Variants in ST7 observed in about 807,000 individuals in gnomAD.
ST7 encodes suppressor of tumorigenicity 7 protein.
ST7 carries 28 observed loss-of-function variants against 78.7 expected under a neutral mutation model. That is an observed-to-expected ratio of 0.36 (90% CI 0.26 to 0.49). The LOEUF is 0.49. Among genes scored for constraint, ST7 ranks in the 20% least tolerant of loss-of-function variants. The pLI, the probability that ST7 is intolerant of heterozygous loss-of-function variation, is 0.99. For missense variants in ST7, 418 were observed against 696.0 expected, an observed-to-expected ratio of 0.60 and a Z score of 4.49; for synonymous variants, 247 against 249.6, an observed-to-expected ratio of 0.99 and a Z score of 0.10.
intron 1 of ST7, chr7:116,972,502 T>A: frequency 1.0e-6 from 1 of 993,412 alleles, no homozygotes; most frequent in Non-Finnish European, 1.6e-6. Flanking sequence ...CAAGTCTCTT[T>A]CAATGATCAC....
rs146935001 is a variant in ST7 at position 117,004,619 on chromosome 7, C to T, written c.151+50928C>T. Among the ~76,000 whole-genome samples, 580 of 152,100 alleles carry T rather than the reference C, an allele frequency of 3.8e-3. 6 individuals carry two copies. The highest frequency in any genetic ancestry group is 0.013 in the African/African-American group (557 of 41,462). The stretch of plus-strand genomic sequence containing the variant: ...GAGGTTGCAGTGAGCCTAGATCACA[C>T]CACTGCACTCCAGCCTGGACGACAG... On this transcript the variant is annotated intron_variant, in intron 1 of 15. Transcript: ENST00000323984.
chr7:116,987,258 A>G (rs1269837609), intron 1 of ST7, among the ~76,000 whole-genome samples: 1 of 152,136 alleles, frequency 6.6e-6, no homozygotes, highest in African/African-American at 2.4e-5. Flanking sequence ...TGGGCTGGGT[A>G]TTTTTCATCT....
chr7:116,972,058 CT>C, intron 1 of ST7: 1 of 479,072 alleles, frequency 2.1e-6, no homozygotes, highest in Non-Finnish European at 4.0e-6. Context: ...GGAAAGCAGC[CT>C]TCCAGTTAAA....
intron 1 of ST7, among the ~76,000 whole-genome samples, chr7:117,074,082 T>C (rs1799169002): frequency 6.6e-6 from 1 of 152,224 alleles, no homozygotes; most frequent in South Asian, 2.1e-4. Flanking sequence ...GATATTGTTA[T>C]ATGATTTCCT....
At chr7:117,136,428 G>GTT in intron 8 of ST7, 193 bp downstream of exon 8, 1 of 649,900 alleles carries the variant, frequency 1.5e-6, no homozygotes, top group Non-Finnish European at 2.6e-6. Flanking sequence ...CTTCATTGCT[G>GTT]TTTATATTCA....
chr7:117,085,068 A>G (rs1036609584), intron 1 of ST7, among the ~76,000 whole-genome samples: 1 of 152,190 alleles, frequency 6.6e-6, no homozygotes, highest in Non-Finnish European at 1.5e-5. Context: ...AGGCAAATAC[A>G]TATTGATTCT....
chr7:117,047,577 C>T (rs899787505), intron 1 of ST7, among the ~76,000 whole-genome samples: 2 of 152,068 alleles, frequency 1.3e-5, no homozygotes, highest in Admixed American at 6.6e-5. Context: ...AGTGTCTAGC[C>T]GTTTATACTC....
intron 1 of ST7, among the ~76,000 whole-genome samples, chr7:117,057,473 A>G (rs17438522): frequency 0.038 from 5,773 of 152,278 alleles, 360 homozygotes; most frequent in African/African-American, 0.13. Flanking sequence ...GCTAAGACTT[A>G]GGAAGTTTTA....
chr7:117,065,953 A>G (rs949617381), intron 1 of ST7, among the ~76,000 whole-genome samples: 6 of 152,210 alleles, frequency 3.9e-5, no homozygotes, highest in African/African-American at 1.4e-4. Flanking sequence ...TCCTTGCCTC[A>G]GGAACTTTGC....
intron 1 of ST7, among the ~76,000 whole-genome samples, chr7:116,955,955 A>G (rs1792452711): frequency 6.6e-6 from 1 of 152,160 alleles, no homozygotes; most frequent in Admixed American, 6.5e-5. Context: ...GTTTGGTTTC[A>G]TGCTCATTTC....
intron 5 of ST7, among the ~76,000 whole-genome samples, chr7:117,131,672 G>A (rs1212423826): frequency 1.3e-5 from 2 of 151,818 alleles, no homozygotes; most frequent in Admixed American, 6.6e-5. Context: ...GTAGTTTTGT[G>A]AGCACAAAAA....
intron 1 of ST7, among the ~76,000 whole-genome samples, chr7:116,964,132 A>C (rs1233362586): frequency 6.6e-6 from 1 of 152,248 alleles, no homozygotes; most frequent in Non-Finnish European, 1.5e-5. Context: ...TAGTTTTTAC[A>C]CATAAGCTGC....
At chr7:117,169,479 T>C (rs949112609) in intron 9 of ST7, among the ~76,000 whole-genome samples, 10 of 152,272 alleles carry the variant, frequency 6.6e-5, no homozygotes, top group African/African-American at 1.9e-4. Flanking sequence ...TCTGAAATTC[T>C]TGGTCTTTCT....
At chr7:117,107,249 TG>T (rs1802053212) in intron 2 of ST7, among the ~76,000 whole-genome samples, 1 of 152,198 alleles carries the variant, frequency 6.6e-6, no homozygotes, top group South Asian at 2.1e-4. Flanking sequence ...GTATCTTTTT[TG>T]TATAGTGACT....
At chr7:117,064,817 C>G (rs1218197597) in intron 1 of ST7, among the ~76,000 whole-genome samples, 1 of 152,126 alleles carries the variant, frequency 6.6e-6, no homozygotes, top group Non-Finnish European at 1.5e-5. Context: ...TTAAGAGTTT[C>G]CCGGGAAGTG....
intron 3 of ST7, among the ~76,000 whole-genome samples, chr7:117,128,109 C>T (rs1314186727): frequency 6.6e-6 from 1 of 151,854 alleles, no homozygotes; most frequent in African/African-American, 2.4e-5. Context: ...AATTCTACCA[C>T]GAGGATCCTT....
At chr7:117,088,979 A>G (rs1800380722) in intron 1 of ST7, among the ~76,000 whole-genome samples, 1 of 152,226 alleles carries the variant, frequency 6.6e-6, no homozygotes, top group Admixed American at 6.5e-5. Flanking sequence ...GATAAGCATA[A>G]AATAATTACC....
chr7:117,000,371 A>G (rs905473878), intron 1 of ST7, among the ~76,000 whole-genome samples: 1 of 152,192 alleles, frequency 6.6e-6, no homozygotes, highest in Admixed American at 6.5e-5. Context: ...GGAAGTGAAT[A>G]TTTAATTTTA....
chr7:117,205,660 C>G (rs1172539352), intron 12 of ST7, among the ~76,000 whole-genome samples: 3 of 152,192 alleles, frequency 2.0e-5, no homozygotes, highest in African/African-American at 7.2e-5. Flanking sequence ...CACTCAGAGA[C>G]CTCCATGAGT....
Sources: allele counts gnomAD v4.1 joint callset (sites outside exome capture counted in the v4.1 genomes callset), GRCh38; gene constraint gnomAD v4.1.1; transcripts MANE v1.5; gene names NCBI Gene and HGNC (gene_info 2026-07-23, HGNC 2026-07-21).